The following AFAP1L1 variants were observed in gnomAD, a reference collection of about 807,000 sequenced individuals.
The protein encoded by AFAP1L1 is actin filament associated protein 1 like 1.
Under a neutral mutation model 99.8 loss-of-function variants are expected in AFAP1L1, and 77 were observed. That is an observed-to-expected ratio of 0.77 (90% confidence interval 0.64 to 0.93). The LOEUF (loss-of-function observed/expected upper bound fraction) is 0.93, where lower values mean the gene tolerates loss of function less well. Among genes scored for constraint, AFAP1L1 ranks in the 40% least tolerant of loss-of-function variants. The pLI is 0.00. For synonymous variants in AFAP1L1, 373 were observed against 395.3 expected (o/e 0.94, Z 0.67); for missense variants, 893 against 996.8 (o/e 0.90, Z 1.40).
chr5:149,285,355 C>T (rs1239517513), intron 1 of AFAP1L1, among the ~76,000 whole-genome samples: 1 of 152,140 alleles, frequency 6.6e-6, no homozygotes, highest in Non-Finnish European at 1.5e-5. Flanking sequence ...ATAATGAACC[C>T]TTACAAGCAT....
chr5:149,273,146 T>C (rs1755188239), intron 1 of AFAP1L1, among the ~76,000 whole-genome samples: 1 of 150,378 alleles, frequency 6.6e-6, no homozygotes, highest in Non-Finnish European at 1.5e-5. Context: ...AGTCTGCACC[T>C]CTGGGATCCA....
chr5:149,321,368 A>G (rs373170099), intron 14 of AFAP1L1, among the ~76,000 whole-genome samples: 1 of 152,192 alleles, frequency 6.6e-6, no homozygotes, highest in African/African-American at 2.4e-5. Flanking sequence ...CCTGACTCCA[A>G]AAGGATATGA....
chr5:149,291,387 C>T (rs1211017072), intron 1 of AFAP1L1, among the ~76,000 whole-genome samples: 1 of 151,698 alleles, frequency 6.6e-6, no homozygotes, highest in Non-Finnish European at 1.5e-5. Context: ...CTTAGTTGGG[C>T]ATGGTGGCGC....
chr5:149,294,281 T>C (rs895497985), intron 1 of AFAP1L1, among the ~76,000 whole-genome samples: 5 of 152,226 alleles, frequency 3.3e-5, no homozygotes, highest in Non-Finnish European at 7.3e-5. Flanking sequence ...ACAATCCCGC[T>C]GGAGGAGTCT....
chr5:149,277,288 A>G (rs1755366032), intron 1 of AFAP1L1, among the ~76,000 whole-genome samples: 1 of 152,216 alleles, frequency 6.6e-6, no homozygotes, highest in African/African-American at 2.4e-5. Context: ...CAATTCAAGA[A>G]ATAATCTGAT....
chr5:149,332,252 C>G (rs1245672257), intron 16 of AFAP1L1, among the ~76,000 whole-genome samples: 5 of 152,150 alleles, frequency 3.3e-5, no homozygotes, highest in Non-Finnish European at 7.4e-5. Context: ...CAAAAATTAG[C>G]TGGGTGTGCT....
chr5:149,279,185 C>T (rs891031009), intron 1 of AFAP1L1, among the ~76,000 whole-genome samples: 4 of 152,180 alleles, frequency 2.6e-5, no homozygotes, highest in Admixed American at 6.5e-5. Context: ...TTCTCAAATT[C>T]GTTGTCCTGT....
chr5:149,314,740 G>A (rs1038735054), intron 9 of AFAP1L1, among the ~76,000 whole-genome samples: 3 of 152,130 alleles, frequency 2.0e-5, no homozygotes, highest in Non-Finnish European at 4.4e-5. Flanking sequence ...TCCGTCCCCC[G>A]GTGCTATGCT....
intron 5 of AFAP1L1, among the ~76,000 whole-genome samples, chr5:149,305,882 A>T (rs1756391667): frequency 2.0e-4 from 1 of 5,086 alleles, no homozygotes; most frequent in Admixed American, 2.0e-3. Flanking sequence ...AACACACCAC[A>T]CACACACACA....
intron 1 of AFAP1L1, among the ~76,000 whole-genome samples, chr5:149,282,345 C>T (rs927364773): frequency 2.6e-5 from 4 of 151,628 alleles, no homozygotes; most frequent in Non-Finnish European, 4.4e-5. Context: ...GGCGCCATTC[C>T]CTCAACCATG....
intron 1 of AFAP1L1, among the ~76,000 whole-genome samples, chr5:149,275,899 C>A (rs555115918): frequency 3.9e-5 from 6 of 152,196 alleles, no homozygotes; most frequent in African/African-American, 1.4e-4. Context: ...AAGACCCTGT[C>A]TCCAAATACA....
intron 15 of AFAP1L1, among the ~76,000 whole-genome samples, chr5:149,323,774 G>A (rs1389981021): frequency 6.6e-6 from 1 of 152,170 alleles, no homozygotes; most frequent in Non-Finnish European, 1.5e-5. Flanking sequence ...ACAATCAGAA[G>A]GTTGTTGTGT....
At chr5:149,277,570 TC>T (rs529834440) in intron 1 of AFAP1L1, among the ~76,000 whole-genome samples, 12 of 152,342 alleles carry the variant, frequency 7.9e-5, no homozygotes, top group Admixed American at 4.6e-4. Context: ...TCCTACTCCT[TC>T]TATGGTAATG....
In AFAP1L1 at chr5:149,309,975, A is replaced by T. The variant is rs1756565659; in HGVS notation, c.767A>T (p.Asp256Val). ...DQLLCYKSSK[D>V]RQPHLRLALD... ...GTCCAGTGTTACAAAAGCTCCAAGG[A>T]TCGGCAGCCACATCTGAGGTTGGCA... The change falls in exon 8 of 19, where the codon GAT (aspartate) becomes GTT (valine). Residue 256 changes from aspartate (D) to valine (V), a missense_variant. Physicochemically the swap from Asp to Val is radical, Grantham distance 152. Transcript: ENST00000296721. The T allele has an allele frequency of 6.2e-7, 1 of 1,614,206 alleles. No homozygotes were observed. The highest frequency in any genetic ancestry group is 1.3e-5 in the African/African-American group (1 of 75,036).
At chr5:149,287,686 G>A (rs554213742) in intron 1 of AFAP1L1, among the ~76,000 whole-genome samples, 170 of 151,690 alleles carry the variant, frequency 1.1e-3, no homozygotes, top group Non-Finnish European at 1.7e-3. Context: ...GGGTTCAAGC[G>A]ATTCTCCTGC....
Position 149,310,079 on chromosome 5 carries a change from A to G in AFAP1L1, c.871A>G (p.Thr291Ala). The part of the protein sequence containing the change: ...RHELRFTQGA[T>A]EVLVLALQSR... ...CGAGCTGCGTTTCACCCAGGGGGCT[A>G]CCGAGGTCTTGGTGCTGGCACTGCA... The change falls in exon 8 of 19, where the codon ACC (threonine) becomes GCC (alanine). Residue 291 changes from threonine to alanine, a missense_variant. Physicochemically the swap from Thr to Ala is moderately conservative, Grantham distance 58 (BLOSUM62 0). Transcript: ENST00000296721. 1 of 1,613,908 alleles carries G rather than the reference A, an allele frequency of 6.2e-7. No individual in the cohort carries two copies. Among genetic ancestry groups the G allele is most frequent in the South Asian group, 1.1e-5 (1 of 91,048 alleles).
At chr5:149,279,202 G>A (rs774454105) in intron 1 of AFAP1L1, among the ~76,000 whole-genome samples, 9 of 152,220 alleles carry the variant, frequency 5.9e-5, no homozygotes, top group Non-Finnish European at 7.3e-5. Context: ...CTGTAGAAGA[G>A]GTAATAGAAA....
chr5:149,331,767 G>A (rs1168417053), intron 16 of AFAP1L1, among the ~76,000 whole-genome samples: 2 of 152,188 alleles, frequency 1.3e-5, no homozygotes, highest in Non-Finnish European at 2.9e-5. Flanking sequence ...GGAAAATTGA[G>A]CGATCTGGTG....
In AFAP1L1 at chr5:149,306,353, G is replaced by A. The variant is rs184818004; in HGVS notation, c.484G>A (p.Ala162Thr). The change falls in exon 6 of 19, where the codon GCA becomes ACA. Residue 162 changes from alanine (A) to threonine (T), a missense_variant. Physicochemically the swap from Ala to Thr is moderately conservative, Grantham distance 58. Coordinates refer to ENST00000296721, the MANE Select transcript of AFAP1L1 (RefSeq NM_152406.4). Reference protein sequence around the residue: ...HSIVDGYYEDADSSYPATRVN... With the variant: ...HSIVDGYYEDTDSSYPATRVN... ...GATTGTGGATGGCTACTATGAGGACGCAGACAGCAGCTACCCTGCAACCAG... is the reference window on the plus strand; with the variant it reads ...GATTGTGGATGGCTACTATGAGGACACAGACAGCAGCTACCCTGCAACCAG... The A allele has an allele frequency of 1.6e-4, 260 of 1,613,482 alleles. No individual in the cohort carries two copies. The highest frequency in any genetic ancestry group is 1.0e-3 in the Admixed American group (62 of 59,972).
Sources: allele counts gnomAD v4.1 joint callset (sites outside exome capture counted in the v4.1 genomes callset), GRCh38; gene constraint gnomAD v4.1.1; transcripts MANE v1.5; gene names NCBI Gene and HGNC (gene_info 2026-07-23, HGNC 2026-07-21).